The following ADAMTS16 variants were observed in gnomAD, a reference collection of about 807,000 sequenced individuals.
ADAMTS16 encodes ADAM metallopeptidase with thrombospondin type 1 motif 16, also known as A disintegrin and metalloproteinase with thrombospondin motifs 16.
In ADAMTS16, 94 loss-of-function variants were observed where a neutral mutation model predicts 145.8. That is an observed-to-expected ratio of 0.64 (90% CI 0.55 to 0.77). ADAMTS16 has a LOEUF of 0.77. Ranked by LOEUF, ADAMTS16 falls within the 30% of genes least tolerant of loss-of-function variation. The pLI is 0.00. For synonymous variants in ADAMTS16, 659 were observed against 604.3 expected (o/e 1.09, Z -1.33); for missense variants, 1,585 against 1,591.5 (o/e 1.00, Z 0.07).
At chr5:5,288,040 C>T (rs1347018776) in intron 18 of ADAMTS16, among the ~76,000 whole-genome samples, 6 of 152,054 alleles carry the variant, frequency 3.9e-5, no homozygotes, top group South Asian at 4.1e-4. Flanking sequence ...GAAACCCTGA[C>T]GCGAAAATGC....
rs1441966518 is a variant in ADAMTS16 at position 5,152,920 on chromosome 5, T to C, written c.501+6465T>C. Among the ~76,000 whole-genome samples the C allele has an allele frequency of 2.0e-5, 3 of 152,248 alleles. No individual in the cohort carries two copies. In the East Asian group the frequency reaches 5.8e-4, roughly 29 times the overall value. On this transcript the variant is annotated intron_variant, in intron 3 of 22. Coordinates refer to ENST00000274181, the MANE Select transcript of ADAMTS16 (RefSeq NM_139056.4). ...TGCCATTCTGGAAGTCTGTCTTCAA[T>C]AGACACTATTATTAACATATTTTAC...
At chr5:5,146,479 T>TA (rs1734301185) in intron 3 of ADAMTS16, 24 bp downstream of exon 3, 2 of 1,571,572 alleles carry the variant, frequency 1.3e-6, no homozygotes, top group African/African-American at 2.7e-5. Context: ...AAGCCCCAGG[T>TA]AGGGAGGCGA....
At chr5:5,228,793 C>T (rs1247510797) in intron 11 of ADAMTS16, among the ~76,000 whole-genome samples, 3 of 152,206 alleles carry the variant, frequency 2.0e-5, no homozygotes, top group African/African-American at 7.2e-5. Flanking sequence ...TCTTAGATAT[C>T]TGCTAGCCGT....
At chr5:5,261,700 G>A (rs570595426) in intron 17 of ADAMTS16, among the ~76,000 whole-genome samples, 1 of 152,234 alleles carries the variant, frequency 6.6e-6, no homozygotes, top group East Asian at 1.9e-4. Context: ...TGGCCAGGAT[G>A]GCCTCAATCC....
chr5:5,189,835 G>A (rs749490593), intron 6 of ADAMTS16, 136 bp from the exon 7 acceptor site: 26 of 999,186 alleles, frequency 2.6e-5, no homozygotes, highest in South Asian at 9.2e-5. Flanking sequence ...TAAAATACAC[G>A]CGTTAGCTTA....
chr5:5,147,811 G>A (rs1734343504), intron 3 of ADAMTS16, among the ~76,000 whole-genome samples: 2 of 152,188 alleles, frequency 1.3e-5, no homozygotes, highest in Admixed American at 1.3e-4. Flanking sequence ...GTGTGGCAGC[G>A]AGGTGTGCCT....
chr5:5,157,660 T>C (rs192188046), intron 3 of ADAMTS16, among the ~76,000 whole-genome samples: 14 of 152,312 alleles, frequency 9.2e-5, no homozygotes, highest in Admixed American at 8.5e-4. Flanking sequence ...GTATCCAAAA[T>C]CCGTGAGAAG....
At chr5:5,163,405 A>C (rs1734791078) in intron 3 of ADAMTS16, among the ~76,000 whole-genome samples, 1 of 152,214 alleles carries the variant, frequency 6.6e-6, no homozygotes, top group African/African-American at 2.4e-5. Flanking sequence ...TAGCATCCTG[A>C]AAGATCATTC....
At chr5:5,209,072 C>T in intron 9 of ADAMTS16, 21 bp from the exon 10 acceptor site, 2 of 1,607,548 alleles carry the variant, frequency 1.2e-6, no homozygotes, top group Non-Finnish European at 1.7e-6. Context: ...TTACTAGTAG[C>T]TCATCTCCTC....
At chr5:5,308,499 G>A (rs371533421) in intron 21 of ADAMTS16, among the ~76,000 whole-genome samples, 2 of 152,110 alleles carry the variant, frequency 1.3e-5, no homozygotes, top group East Asian at 3.9e-4. Flanking sequence ...AGCATAACAA[G>A]CCCATCCCAA....
chr5:5,278,822 C>T (rs550676038), intron 18 of ADAMTS16, among the ~76,000 whole-genome samples: 2 of 150,966 alleles, frequency 1.3e-5, no homozygotes, highest in South Asian at 4.2e-4. Flanking sequence ...TGTTTATAAA[C>T]ATAATGTATT....
At chr5:5,140,945 C>G (rs2126493318) in intron 2 of ADAMTS16, among the ~76,000 whole-genome samples, 179 bp downstream of exon 2, 1 of 152,106 alleles carries the variant, frequency 6.6e-6, no homozygotes. Context: ...TGGATTTCCA[C>G]CAATATTTAC....
At chr5:5,306,444 C>A in intron 20 of ADAMTS16, 60 bp from the exon 21 acceptor site, 1 of 1,480,066 alleles carries the variant, frequency 6.8e-7, no homozygotes, top group Non-Finnish European at 9.3e-7. Context: ...TATTTTAACC[C>A]ACAGATTTTG....
At chr5:5,245,404 T>G (rs1737410325) in intron 17 of ADAMTS16, among the ~76,000 whole-genome samples, 1 of 152,194 alleles carries the variant, frequency 6.6e-6, no homozygotes, top group Non-Finnish European at 1.5e-5. Flanking sequence ...TCTCATTTCT[T>G]AGAGGGTGAG....
chr5:5,314,975 G>A (rs1018362611), intron 21 of ADAMTS16, among the ~76,000 whole-genome samples: 4 of 152,204 alleles, frequency 2.6e-5, no homozygotes, highest in African/African-American at 4.8e-5. Context: ...GGGGAGGTGG[G>A]CGATTGTATT....
At position 5,239,896 on chromosome 5, in the gene ADAMTS16, G is replaced by A. The variant is rs763036633; in HGVS notation, c.2494G>A (p.Gly832Arg). 1.3e-5 allele frequency: 21 copies of A among 1,614,008 alleles called. No individual in the cohort carries two copies. Among genetic ancestry groups the A allele is most frequent in the Non-Finnish European group, 1.8e-5 (21 of 1,180,020 alleles). ...YNEPENLIATGPTNETLIVEL... is the reference protein window; with the variant it reads ...YNEPENLIATRPTNETLIVEL... The stretch of plus-strand genomic sequence containing the variant: ...TGAGCCCGAGAACTTAATCGCTACT[G>A]GACCAACCAACGAGACACTGATTGT... Residue 832 changes from glycine to arginine, a missense_variant, in exon 16 of 23, where the codon GGA (glycine) becomes AGA (arginine). This residue lies in a region of ADAMTS16 where 834 missense variants were observed against 811.7 expected (regional missense o/e 1.03). Coordinates refer to ENST00000274181, the MANE Select transcript of ADAMTS16 (RefSeq NM_139056.4).
At chr5:5,205,612 G>A (rs1736081025) in intron 9 of ADAMTS16, among the ~76,000 whole-genome samples, 1 of 152,236 alleles carries the variant, frequency 6.6e-6, no homozygotes, top group Non-Finnish European at 1.5e-5. Context: ...GACATTGTCA[G>A]TGTTTTGGAT....
intron 21 of ADAMTS16, among the ~76,000 whole-genome samples, chr5:5,314,879 C>T (rs1733972058): frequency 2.6e-5 from 4 of 152,138 alleles, no homozygotes; most frequent in Admixed American, 2.6e-4. Context: ...CTGTGAGTAG[C>T]AAGGTTTTGC....
Position 5,259,604 on chromosome 5 carries a change from T to C in ADAMTS16, c.2663-3053T>C, listed in dbSNP as rs935208058. ...GGCTAGAGGGGAAAGAGTAAGGTTA[T>C]GGTCCCACTACTGAATCCACAGGTT... On this transcript the variant is annotated intron_variant, in intron 17 of 22. Transcript: ENST00000274181. 1.6e-4 allele frequency among the ~76,000 whole-genome samples: 24 copies of C among 152,312 alleles called. 1 individual carries two copies. Among genetic ancestry groups the C allele is most frequent in the African/African-American group, 5.8e-4 (24 of 41,564 alleles).
Sources: gnomAD v4.1 joint callset for allele counts (sites outside exome capture counted in the v4.1 genomes callset) on GRCh38, gnomAD v4.1.1 for gene constraint, gnomAD v4.1.1 regional missense constraint, MANE v1.5 for transcripts, NCBI Gene and HGNC (gene_info 2026-07-23, HGNC 2026-07-21) for gene names.